The following MASP1 variants were observed in gnomAD, a reference collection of about 807,000 sequenced individuals.
The protein encoded by MASP1 is mannan-binding lectin serine protease 1.
A neutral mutation model predicts 77.1 loss-of-function variants in MASP1; 59 were observed. That is an observed-to-expected ratio of 0.77 (90% CI 0.62 to 0.95). The LOEUF is 0.95. Ranked by LOEUF, MASP1 falls within the 40% of genes least tolerant of loss-of-function variation. The pLI is 0.00. For synonymous variants in MASP1, 362 were observed against 354.5 expected (o/e 1.02, Z -0.24); for missense variants, 885 against 912.9 (o/e 0.97, Z 0.39).
intron 2 of MASP1, among the ~76,000 whole-genome samples, chr3:187,266,208 G>A (rs946492416): frequency 6.6e-6 from 1 of 152,212 alleles, no homozygotes; most frequent in African/African-American, 2.4e-5. Flanking sequence ...ACACCAACAT[G>A]TGGCTGTATG....
At chr3:187,243,384 T>A (rs1216802582) in intron 9 of MASP1, 100 bp downstream of exon 9, 2 of 1,221,024 alleles carry the variant, frequency 1.6e-6, no homozygotes, top group African/African-American at 1.5e-5. Context: ...TACACACTTA[T>A]GAGCAGTTCT....
At chr3:187,278,213 G>A (rs1438544811) in intron 2 of MASP1, among the ~76,000 whole-genome samples, 1 of 152,214 alleles carries the variant, frequency 6.6e-6, no homozygotes, top group Non-Finnish European at 1.5e-5. Context: ...AGTAAGAAGT[G>A]GAGGCAAGAC....
Position 187,235,750 on chromosome 3 carries a change from G to A in MASP1, c.2121C>T (p.Tyr707=), listed in dbSNP as rs144758799. 200 of 1,614,156 alleles carry A rather than the reference G, an allele frequency of 1.2e-4. No individual in the cohort carries two copies. Among genetic ancestry groups the A allele is most frequent in the South Asian group, 4.9e-4 (45 of 91,072 alleles). ...VYGVYTKVSN[Y]VDWVWEQMGL... is the part of the protein sequence containing the mutation. ...CCATCTGCTCCCACACCCAGTCCAC[G>A]TAATTGGAGACCTTTGTGTAGACTC... The change falls in exon 11 of 11, where the codon TAC becomes TAT. Residue 707 remains tyrosine, a synonymous_variant. Coordinates refer to ENST00000296280, the MANE Select transcript of MASP1 (RefSeq NM_139125.4).
intron 2 of MASP1, among the ~76,000 whole-genome samples, chr3:187,279,571 T>C (rs1283455131): frequency 6.6e-6 from 1 of 152,224 alleles, no homozygotes. Context: ...GGGGAGCACA[T>C]GCTTAAACCC....
chr3:187,220,047 G>A (rs748391895), exon 16 of MASP1: 6 of 1,611,726 alleles, frequency 3.7e-6, no homozygotes, highest in Non-Finnish European at 5.1e-6. Flanking sequence ...CACAGCTGGT[G>A]GTGCTGGGGC....
chr3:187,260,381 G>A (rs1461382882), intron 4 of MASP1, among the ~76,000 whole-genome samples: 2 of 152,230 alleles, frequency 1.3e-5, no homozygotes, highest in Non-Finnish European at 2.9e-5. Flanking sequence ...AAAAGGAGTT[G>A]CTGGGTAAAG....
Position 187,285,944 on chromosome 3 carries a change from A to G in MASP1, c.118T>C (p.Tyr40His). 1 of 1,614,194 alleles carries G rather than the reference A, an allele frequency of 6.2e-7. No homozygotes were observed. Among genetic ancestry groups the G allele is most frequent in the Non-Finnish European group, 8.5e-7 (1 of 1,180,002 alleles). ...CAAGTCACCTCTGAATCACTGGGAT[A>G]GGAGTCTGGATAACCAGGCGACTGG... is the stretch of plus-strand genomic sequence containing the variant. The part of the protein sequence containing the change: ...QIQSPGYPDS[Y>H]PSDSEVTWNI... The change falls in exon 2 of 11, where the codon TAT becomes CAT. Residue 40 changes from tyrosine to histidine, a missense_variant. Coordinates refer to ENST00000296280, the MANE Select transcript of MASP1 (RefSeq NM_139125.4).
chr3:187,235,870 G>A lies in MASP1; in HGVS notation c.2001C>T (p.Ala667=), dbSNP rs1264673079. 11 of 1,614,206 alleles carry A rather than the reference G, an allele frequency of 6.8e-6. No individual in the cohort carries two copies. Among genetic ancestry groups the A allele is most frequent in the Non-Finnish European group, 9.3e-6 (11 of 1,180,040 alleles). The change falls in exon 11 of 11, where the codon GCC becomes GCT. Residue 667 remains alanine (A), a synonymous_variant. Coordinates refer to ENST00000296280, the MANE Select transcript of MASP1 (RefSeq NM_139125.4). ...KDTCLGDSGG[A]FVIFDDLSQR... ...GGCTCAAGTCATCAAAGATGACAAAGGCCCCACCGCTATCTCCAAGGCACG... is the reference window on the plus strand; with the variant it reads ...GGCTCAAGTCATCAAAGATGACAAAAGCCCCACCGCTATCTCCAAGGCACG...
chr3:187,290,826 A>C (rs1353903161), intron 1 of MASP1, among the ~76,000 whole-genome samples: 1 of 151,864 alleles, frequency 6.6e-6, no homozygotes, highest in Non-Finnish European at 1.5e-5. Context: ...TTAACTAATA[A>C]AAATAACTAG....
intron 2 of MASP1, among the ~76,000 whole-genome samples, chr3:187,266,873 T>C (rs1437343806): frequency 6.6e-6 from 1 of 152,152 alleles, no homozygotes; most frequent in Non-Finnish European, 1.5e-5. Flanking sequence ...ACAGCTACTC[T>C]ATGGGAAGAC....
intron 2 of MASP1, among the ~76,000 whole-genome samples, chr3:187,270,516 C>G (rs930028395): frequency 1.3e-5 from 2 of 152,142 alleles, no homozygotes; most frequent in Non-Finnish European, 2.9e-5. Flanking sequence ...TGACCACCAC[C>G]ATGCTCCCTG....
At chr3:187,247,251 G>A (rs1422357852) in intron 8 of MASP1, 7 of 1,612,198 alleles carry the variant, frequency 4.3e-6, no homozygotes, top group Middle Eastern at 1.8e-4. Flanking sequence ...TTGTGGGTGG[G>A]GAGGGGTGGT....
intron 1 of MASP1, among the ~76,000 whole-genome samples, chr3:187,287,386 G>C (rs1007819636): frequency 2.0e-5 from 3 of 152,134 alleles, no homozygotes; most frequent in Admixed American, 2.0e-4. Flanking sequence ...CCAGCTCAGA[G>C]CTTCCCAGCT....
chr3:187,261,396 C>T (rs979399874), intron 3 of MASP1, among the ~76,000 whole-genome samples: 3 of 152,194 alleles, frequency 2.0e-5, no homozygotes, highest in African/African-American at 7.2e-5. Context: ...TAATGTGGGT[C>T]AAGCCCTGTC....
Position 187,251,667 on chromosome 3 carries a change from G to T in MASP1, c.978C>A (p.Leu326=). Residue 326 remains leucine, a synonymous_variant, in exon 7 of 11, where the codon CTC becomes CTA. Coordinates refer to ENST00000296280, the MANE Select transcript of MASP1 (RefSeq NM_139125.4). ...QAKYFFKDQV[L]VSCDTGYKVL... is the part of the protein sequence containing the mutation. ...CTTTGTAGCCTGTGTCACAGCTGAC[G>T]AGCACTTGGTCTTTGAAGAAATACT... The T allele has an allele frequency of 1.2e-6, 2 of 1,614,152 alleles. No homozygotes were observed. Among genetic ancestry groups the T allele is most frequent in the Non-Finnish European group, 1.7e-6 (2 of 1,180,022 alleles).
At position 187,227,797 on chromosome 3, in the gene MASP1, A is replaced by G. The variant is rs564243570; in HGVS notation, c.1442-1277T>C. 5.9e-5 allele frequency among the ~76,000 whole-genome samples: 9 copies of G among 152,276 alleles called. No homozygotes were observed. The Middle Eastern group carries it at 0.014, about 230-fold the overall frequency. ...CTTGGTCTGGGGCTCTGGGCTGTTT[A>G]GATGAACCCAGGGGTGTACACTGGC... On this transcript the variant is annotated intron_variant, in intron 11 of 15. Coordinates refer to the MASP1 transcript ENST00000337774.
intron 12 of MASP1, chr3:187,226,332 C>T (rs2108503462): frequency 9.1e-7 from 1 of 1,099,746 alleles, no homozygotes; most frequent in Non-Finnish European, 1.4e-6. Context: ...AGCAGACACG[C>T]CTTGGAAAGG....
downstream of MASP1, among the ~76,000 whole-genome samples, chr3:187,230,659 C>T (rs907210387): frequency 6.6e-6 from 1 of 152,210 alleles, no homozygotes. Context: ...CCATTTTCCA[C>T]TGGCTTGGAT....
chr3:187,262,122 G>T (rs1715630626), intron 3 of MASP1, among the ~76,000 whole-genome samples: 1 of 152,144 alleles, frequency 6.6e-6, no homozygotes, highest in East Asian at 1.9e-4. Context: ...CCCCTGGGCT[G>T]GTGGTAAAGT....
Sources: allele counts gnomAD v4.1 joint callset (sites outside exome capture counted in the v4.1 genomes callset), GRCh38; gene constraint gnomAD v4.1.1; transcripts MANE v1.5; gene names NCBI Gene and HGNC (gene_info 2026-07-23, HGNC 2026-07-21).